Variants in AP1G1 observed in about 807,000 individuals in gnomAD.
The protein encoded by AP1G1 is AP-1 complex subunit gamma-1.
Under a neutral mutation model 108.3 loss-of-function variants are expected in AP1G1, and 7 were observed. The ratio of observed to expected loss-of-function variants is 0.06; its 90% CI spans 0.04 to 0.12. AP1G1 has a LOEUF of 0.12. Among genes scored for constraint, AP1G1 ranks in the 10% least tolerant of loss-of-function variants. The pLI, the probability that AP1G1 is intolerant of heterozygous loss-of-function variation, is 1.00. For synonymous variants in AP1G1, 379 were observed against 353.5 expected, an observed-to-expected ratio of 1.07 and a Z score of -0.81; for missense variants, 756 against 1,010.7, an observed-to-expected ratio of 0.75 and a Z score of 3.42.
Position 71,732,760 on chromosome 16 carries a change from G to T in AP1G1, c.*298C>A, listed in dbSNP as rs1597027813. 7.1e-6 allele frequency: 2 copies of T among 282,326 alleles called. No individual in the cohort carries two copies. The highest frequency in any genetic ancestry group is 1.4e-4 in the East Asian group (2 of 14,470). 17.5% of individuals were successfully genotyped at this position (282,326 alleles called of 1,614,324 possible). A position where few individuals can be genotyped will look rare whatever the true frequency, so the allele number is the denominator to read the frequency against. ...AGACCAGCTGCTTATTTCCTCAGGGGCCCAGGGAATGTTGATTCTGGCTGT... is the reference window on the plus strand; with the variant it reads ...AGACCAGCTGCTTATTTCCTCAGGGTCCCAGGGAATGTTGATTCTGGCTGT... On this transcript the variant is annotated 3_prime_UTR_variant, in exon 23 of 23. Coordinates refer to ENST00000299980, the MANE Select transcript of AP1G1 (RefSeq NM_001128.6).
In AP1G1 at chr16:71,771,190, T is replaced by C. The variant is rs757495828; in HGVS notation, c.531A>G (p.Pro177=). ...KVPELMEMFL[P]ATKNLLNEKN... is the part of the protein sequence containing the mutation. ...TCTCATTCAATAAATTTTTTGTTGC[T>C]GGTAAAAACATCTCCATAAGTTCAG... Residue 177 remains proline, a synonymous_variant, in exon 5 of 23, where the codon CCA becomes CCG. Transcript: ENST00000299980. 3.7e-6 allele frequency: 6 copies of C among 1,610,766 alleles called. No individual in the cohort carries two copies. The highest frequency in any genetic ancestry group is 1.6e-4 in the Middle Eastern group (1 of 6,076).
intron 6 of AP1G1, 90 bp downstream of exon 6, chr16:71,769,533 T>C (rs751411858): frequency 1.5e-6 from 2 of 1,306,486 alleles, no homozygotes; most frequent in Admixed American, 3.4e-5. Flanking sequence ...CATAGCTTGC[T>C]TTCAAAAAAA....
Position 71,739,115 on chromosome 16 carries a change from AG to A in AP1G1, c.2108-14del. 6.2e-7 allele frequency: 1 copy of A among 1,614,070 alleles called. No homozygotes were observed. Among genetic ancestry groups the A allele is most frequent in the Non-Finnish European group, 8.5e-7 (1 of 1,179,942 alleles). On this transcript the variant is annotated splice_polypyrimidine_tract_variant and intron_variant, in intron 20 of 22. Transcript: ENST00000299980. ...ATGGAGGGGATGCCTGAGAAAGTAC[AG>A]GAAGATAAGTCTTATTGTAGTCAGC...
rs760086717 is a variant in AP1G1 at position 71,773,043 on chromosome 16, TA to T, written c.468+177del. ...ATATCCAGTAACATTTGTTTGTTTA[TA>T]AATCATTTCCTTAAGAAAAGAGGAA... On this transcript the variant is annotated intron_variant, in intron 4 of 22. Transcript: ENST00000299980. The T allele has an allele frequency of 4.1e-4, 313 of 769,196 alleles. No homozygotes were observed. Among genetic ancestry groups the T allele is most frequent in the Non-Finnish European group, 6.3e-4 (287 of 455,096 alleles). The allele number at this position is 769,196 out of a possible 1,614,324, so 47.6% of individuals were successfully genotyped here. A position where few individuals can be genotyped will look rare whatever the true frequency, so the allele number is the denominator to read the frequency against.
chr16:71,774,051 G>C (rs2031678821), intron 3 of AP1G1, among the ~76,000 whole-genome samples: 1 of 147,762 alleles, frequency 6.8e-6, no homozygotes. Context: ...AACAGAGCGA[G>C]ACTCCGTCTC....
At chr16:71,805,055 T>A (rs992692360) in intron 1 of AP1G1, among the ~76,000 whole-genome samples, 2 of 151,748 alleles carry the variant, frequency 1.3e-5, no homozygotes, top group Non-Finnish European at 2.9e-5. Context: ...ACTTATAAGC[T>A]GAGAGGAGTT....
intron 1 of AP1G1, among the ~76,000 whole-genome samples, chr16:71,797,186 T>A (rs2032617224): frequency 6.6e-6 from 1 of 151,936 alleles, no homozygotes; most frequent in Admixed American, 6.6e-5. Flanking sequence ...ACTAAAGTAC[T>A]CTCAATTCAA....
Position 71,764,412 on chromosome 16 carries a change from T to G in AP1G1, c.856A>C (p.Asn286His), listed in dbSNP as rs763979259. ...AAAACCGTTTCATAAAGAATAGCAT[T>G]TCCTACATTTTTACTAGTCTCAGTA... ...TNTETSKNVG[N>H]AILYETVLTI... The change falls in exon 9 of 23, where the codon AAT becomes CAT. Residue 286 changes from asparagine (N) to histidine (H), a missense_variant. Asn to His is a moderately conservative substitution (Grantham distance 68). Transcript: ENST00000299980. 1.2e-6 allele frequency: 2 copies of G among 1,610,614 alleles called. No homozygotes were observed. The highest frequency in any genetic ancestry group is 2.7e-5 in the African/African-American group (2 of 74,860).
chr16:71,802,149 A>T (rs2142284276), intron 1 of AP1G1, among the ~76,000 whole-genome samples: 1 of 152,330 alleles, frequency 6.6e-6, no homozygotes, highest in South Asian at 2.1e-4. Context: ...TACAACTCAA[A>T]GTAAAAGGAG....
At chr16:71,762,277 C>G (rs1255136979) in intron 9 of AP1G1, among the ~76,000 whole-genome samples, 1 of 152,024 alleles carries the variant, frequency 6.6e-6, no homozygotes, top group African/African-American at 2.4e-5. Context: ...AAAAACTGAA[C>G]AATTCCACTT....
At chr16:71,784,967 A>T (rs2032148458) in intron 2 of AP1G1, among the ~76,000 whole-genome samples, 1 of 149,298 alleles carries the variant, frequency 6.7e-6, no homozygotes, top group Non-Finnish European at 1.5e-5. Context: ...CATACTAGAT[A>T]CTGTAGTAAA....
At chr16:71,738,914 GA>G in intron 21 of AP1G1, 27 bp downstream of exon 21, 3 of 1,564,534 alleles carry the variant, frequency 1.9e-6, no homozygotes, top group Non-Finnish European at 2.6e-6. Flanking sequence ...TTAATCAAAG[GA>G]AACATCTAAA....
intron 20 of AP1G1, 31 bp downstream of exon 20, chr16:71,739,203 C>T (rs2045587225): frequency 1.2e-6 from 2 of 1,602,386 alleles, no homozygotes; most frequent in Admixed American, 3.3e-5. Flanking sequence ...CTCAGTGCTC[C>T]ATGTAATGAT....
At chr16:71,795,759 G>C (rs2032563420) in intron 1 of AP1G1, among the ~76,000 whole-genome samples, 1 of 152,186 alleles carries the variant, frequency 6.6e-6, no homozygotes. Flanking sequence ...TCATTACACT[G>C]ATCTAGCCTA....
At chr16:71,790,793 C>T (rs1164866840) in intron 1 of AP1G1, among the ~76,000 whole-genome samples, 1 of 152,098 alleles carries the variant, frequency 6.6e-6, no homozygotes, top group African/African-American at 2.4e-5. Flanking sequence ...CAGAAGAAAA[C>T]ACAGAGGAAA....
At chr16:71,807,820 C>T (rs1457157928) in intron 1 of AP1G1, 2 of 1,289,230 alleles carry the variant, frequency 1.6e-6, no homozygotes, top group Admixed American at 2.3e-5. Context: ...ATATTTTTCT[C>T]CATGGACAGA....
At chr16:71,787,933 A>G (rs2032266615) in intron 2 of AP1G1, among the ~76,000 whole-genome samples, 1 of 152,236 alleles carries the variant, frequency 6.6e-6, no homozygotes. Context: ...ATATATGACT[A>G]TATTGATGAC....
intron 1 of AP1G1, among the ~76,000 whole-genome samples, chr16:71,794,630 T>C (rs78769008): frequency 0.013 from 2,019 of 152,040 alleles, 27 homozygotes; most frequent in Non-Finnish European, 0.023. Flanking sequence ...ATAAGATTAC[T>C]TTATATGCCC....
intron 1 of AP1G1, among the ~76,000 whole-genome samples, chr16:71,798,435 G>A (rs773191958): frequency 6.6e-6 from 1 of 151,928 alleles, no homozygotes; most frequent in Admixed American, 6.6e-5. Context: ...TCCTGACCTC[G>A]TGATCCGCCA....
Sources: gnomAD v4.1 joint callset for allele counts (sites outside exome capture counted in the v4.1 genomes callset) on GRCh38, gnomAD v4.1.1 for gene constraint, MANE v1.5 for transcripts, NCBI Gene and HGNC (gene_info 2026-07-23, HGNC 2026-07-21) for gene names.